CDCA2: variants seen among roughly 807,000 people sequenced by gnomAD.
The protein encoded by CDCA2 is cell division cycle-associated protein 2.
In CDCA2, 44 loss-of-function variants were observed where a neutral mutation model predicts 67.0. The ratio of observed to expected loss-of-function variants is 0.66; its 90% confidence interval spans 0.52 to 0.84. The LOEUF is 0.84. Among genes scored for constraint, CDCA2 ranks in the 40% least tolerant of loss-of-function variants. CDCA2 has a pLI of 0.00. For synonymous variants in CDCA2, 447 were observed against 418.7 expected (o/e 1.07, Z -0.82); for missense variants, 1,253 against 1,203.2 (o/e 1.04, Z -0.61).
intron 11 of CDCA2, 55 bp from the exon 12 acceptor site, chr8:25,487,191 G>A (rs545377132): frequency 3.9e-6 from 4 of 1,018,398 alleles, no homozygotes; most frequent in South Asian, 2.6e-5. Context: ...AAAGGAAGAT[G>A]TATGTTATAG....
Position 25,480,140 on chromosome 8 carries a change from A to G in CDCA2, c.1032+16A>G. The G allele has an allele frequency of 6.3e-7, 1 of 1,597,570 alleles. No individual in the cohort carries two copies. On this transcript the variant is annotated intron_variant, in intron 8 of 14. Transcript: ENST00000330560. The stretch of plus-strand genomic sequence containing the variant: ...GAGCTTACAGGTAAGAAGAGAGTTA[A>G]ATTTCCTAAAGCAAATGAATAAAAA...
chr8:25,501,194 A>G (rs532124544), intron 13 of CDCA2, among the ~76,000 whole-genome samples: 15 of 152,330 alleles, frequency 9.8e-5, no homozygotes, highest in African/African-American at 3.1e-4. Flanking sequence ...TTAAATGTAC[A>G]CTGTAAATCA....
At chr8:25,484,744 G>T (rs1434056645) in intron 10 of CDCA2, among the ~76,000 whole-genome samples, 1 of 151,938 alleles carries the variant, frequency 6.6e-6, no homozygotes, top group East Asian at 1.9e-4. Context: ...TGGGACATGG[G>T]CACACATCAC....
At chr8:25,460,998 T>G (rs904020907) in intron 3 of CDCA2, among the ~76,000 whole-genome samples, 13 of 152,130 alleles carry the variant, frequency 8.5e-5, no homozygotes, top group Non-Finnish European at 1.2e-4. Context: ...TTGGGCTCAG[T>G]GGCTCAAGCC....
intron 7 of CDCA2, among the ~76,000 whole-genome samples, chr8:25,471,060 C>A (rs1803133710): frequency 6.6e-6 from 1 of 152,110 alleles, no homozygotes; most frequent in Non-Finnish European, 1.5e-5. Context: ...CTGTGCCCAG[C>A]CAAAACAGTT....
At chr8:25,478,755 C>A (rs911626038) in intron 7 of CDCA2, among the ~76,000 whole-genome samples, 2 of 152,110 alleles carry the variant, frequency 1.3e-5, no homozygotes, top group East Asian at 3.9e-4. Context: ...TCGCCTTGTT[C>A]TTTTCAGGTG....
chr8:25,474,137 A>G (rs1461099597), intron 7 of CDCA2, among the ~76,000 whole-genome samples: 1 of 152,196 alleles, frequency 6.6e-6, no homozygotes, highest in African/African-American at 2.4e-5. Flanking sequence ...AATCCCAGGG[A>G]TAAATCTAAT....
intron 13 of CDCA2, among the ~76,000 whole-genome samples, chr8:25,501,565 A>G (rs1010578003): frequency 2.0e-5 from 3 of 152,240 alleles, no homozygotes; most frequent in Non-Finnish European, 4.4e-5. Flanking sequence ...GTTCATGCAC[A>G]TGGCATTCCC....
chr8:25,501,127 A>G (rs894062453), intron 13 of CDCA2, among the ~76,000 whole-genome samples: 1 of 152,176 alleles, frequency 6.6e-6, no homozygotes, highest in African/African-American at 2.4e-5. Flanking sequence ...TTAACCCAGC[A>G]TTTTCCTAAT....
At chr8:25,503,866 A>C (rs1022385471) in intron 14 of CDCA2, among the ~76,000 whole-genome samples, 1 of 152,168 alleles carries the variant, frequency 6.6e-6, no homozygotes, top group Non-Finnish European at 1.5e-5. Flanking sequence ...ATTTTGTGAA[A>C]ATAAATTCCA....
chr8:25,507,149 A>G lies in CDCA2; in HGVS notation c.2483A>G (p.Lys828Arg), dbSNP rs1375012799. ...AGTGTTGTGAGTTGCAGAGACAGGA[A>G]AGATAGAAGACGTTCCATGTGTTAT... ...SSSVVSCRDRKDRRRSMCYSD... is the reference protein window; with the variant it reads ...SSSVVSCRDRRDRRRSMCYSD... The change falls in exon 15 of 15, where the codon AAA becomes AGA. Residue 828 changes from lysine to arginine, a missense_variant. Physicochemically the swap from Lys to Arg is conservative, Grantham distance 26 (BLOSUM62 2). Coordinates refer to ENST00000330560, the MANE Select transcript of CDCA2 (RefSeq NM_152562.4). 6.2e-7 allele frequency: 1 copy of G among 1,614,194 alleles called. No individual in the cohort carries two copies. The highest frequency in any genetic ancestry group is 8.5e-7 in the Non-Finnish European group (1 of 1,180,026).
chr8:25,479,821 T>A (rs1803496713), intron 7 of CDCA2, 92 bp from the exon 8 acceptor site: 3 of 1,174,048 alleles, frequency 2.6e-6, no homozygotes, highest in Non-Finnish European at 3.7e-6. Context: ...CTTCATAGCA[T>A]GTTATTATCT....
chr8:25,487,195 G>A (rs772339065), intron 11 of CDCA2, 51 bp from the exon 12 acceptor site: 8 of 1,082,862 alleles, frequency 7.4e-6, no homozygotes, highest in African/African-American at 3.1e-5. Flanking sequence ...GAAGATGTAT[G>A]TTATAGTTTT....
At chr8:25,485,520 T>C (rs970339269) in intron 10 of CDCA2, among the ~76,000 whole-genome samples, 2 of 152,180 alleles carry the variant, frequency 1.3e-5, no homozygotes, top group African/African-American at 4.8e-5. Context: ...ATTTTCTTAG[T>C]AGTTTGATGG....
rs145299027 is a variant in CDCA2, at chr8:25,504,718, TG to T, written c.1843+1175del. On this transcript the variant is annotated intron_variant, in intron 14 of 14. Transcript: ENST00000330560. Reference sequence around the variant, plus strand: ...TCCTGCCATGCTTTCTCACAGGCTGTGTTGTGACAGGGCATCCACCACTCTA... The same window carrying T: ...TCCTGCCATGCTTTCTCACAGGCTGTTTGTGACAGGGCATCCACCACTCTA... 8.7e-3 allele frequency among the ~76,000 whole-genome samples: 1,327 copies of T among 152,292 alleles called. 20 individuals are homozygous for T. Among genetic ancestry groups the T allele is most frequent in the African/African-American group, 0.03 (1,239 of 41,546 alleles).
intron 5 of CDCA2, 74 bp downstream of exon 5, chr8:25,466,399 A>C (rs1802905127): frequency 7.4e-7 from 1 of 1,356,698 alleles, no homozygotes; most frequent in Non-Finnish European, 9.9e-7. Context: ...GAAATGATTT[A>C]GTGTGAAGCC....
At position 25,485,812 on chromosome 8, in the gene CDCA2, A is replaced by G. The variant is rs554087764; in HGVS notation, c.1419A>G (p.Lys473=). 43 of 1,605,122 alleles carry G rather than the reference A, an allele frequency of 2.7e-5. No individual in the cohort carries two copies. Among genetic ancestry groups the G allele is most frequent in the Admixed American group, 2.0e-4 (12 of 58,988 alleles). Residue 473 remains lysine, a synonymous_variant, in exon 11 of 15, where the codon AAA becomes AAG. Transcript: ENST00000330560. ...VSFAVLSSPN[K]SSISETLSGT... ...TTGCCGTTCTCAGTTCTCCTAATAAATCATCAATCTCTGAGACCCTTTCAG... is the reference window on the plus strand; with the variant it reads ...TTGCCGTTCTCAGTTCTCCTAATAAGTCATCAATCTCTGAGACCCTTTCAG...
chr8:25,501,556 T>C (rs1200149522), intron 13 of CDCA2, among the ~76,000 whole-genome samples: 1 of 152,212 alleles, frequency 6.6e-6, no homozygotes, highest in Non-Finnish European at 1.5e-5. Flanking sequence ...TCACTTTGAG[T>C]TCATGCACAT....
chr8:25,491,705 C>T (rs997382765), intron 13 of CDCA2, among the ~76,000 whole-genome samples: 3 of 152,058 alleles, frequency 2.0e-5, no homozygotes, highest in Non-Finnish European at 4.4e-5. Flanking sequence ...CATGCTTGAC[C>T]TCCCTGGCTC....
Sources: allele counts gnomAD v4.1 joint callset (sites outside exome capture counted in the v4.1 genomes callset), GRCh38; gene constraint gnomAD v4.1.1; transcripts MANE v1.5; gene names NCBI Gene and HGNC (gene_info 2026-07-23, HGNC 2026-07-21).